The following PARP8 variants were observed in gnomAD, a reference collection of about 807,000 sequenced individuals.
PARP8 encodes poly(ADP-ribose) polymerase family member 8, also known as protein mono-ADP-ribosyltransferase PARP8.
PARP8 carries 51 observed loss-of-function variants against 124.1 expected under a neutral mutation model. The observed-to-expected ratio is 0.41, with a 90% CI of 0.33 to 0.52. The LOEUF is 0.52. Among genes scored for constraint, PARP8 ranks in the 20% least tolerant of loss-of-function variants. The pLI is 0.21. For synonymous variants in PARP8, 391 were observed against 361.5 expected (o/e 1.08, Z -0.93); for missense variants, 860 against 1,018.9 (o/e 0.84, Z 2.12).
intron 12 of PARP8, among the ~76,000 whole-genome samples, chr5:50,796,431 C>T (rs1186420224): frequency 6.6e-6 from 1 of 152,154 alleles, no homozygotes; most frequent in Non-Finnish European, 1.5e-5. Context: ...GTTTTAAGGA[C>T]ATAGAGCAAA....
intron 15 of PARP8, among the ~76,000 whole-genome samples, chr5:50,820,019 G>A (rs1745582091): frequency 6.6e-6 from 1 of 152,134 alleles, no homozygotes; most frequent in Non-Finnish European, 1.5e-5. Flanking sequence ...AACATTAGAT[G>A]TTTCCATTCT....
chr5:50,766,843 G>A (rs1761103009), intron 7 of PARP8, among the ~76,000 whole-genome samples: 1 of 152,048 alleles, frequency 6.6e-6, no homozygotes, highest in Admixed American at 6.6e-5. Flanking sequence ...CACCAAACAT[G>A]TATCTCCTTT....
In PARP8 at chr5:50,842,768, A is replaced by C. The variant is rs1187477102; in HGVS notation, c.*700A>C. The C allele has an allele frequency of 2.6e-5, 4 of 151,692 alleles. No individual in the cohort carries two copies. Among genetic ancestry groups the C allele is most frequent in the Non-Finnish European group, 4.4e-5 (3 of 67,758 alleles). 9.4% of individuals were successfully genotyped at this position (151,692 alleles called of 1,614,324 possible). On this transcript the variant is annotated 3_prime_UTR_variant, in exon 26 of 26. Coordinates refer to ENST00000281631, the MANE Select transcript of PARP8 (RefSeq NM_024615.4). Reference sequence around the variant, plus strand: ...GAAGATAATATTTAGTAAGCAATAAATTTGGACATAAATCAAGATATGAGC... The same window carrying C: ...GAAGATAATATTTAGTAAGCAATAACTTTGGACATAAATCAAGATATGAGC...
intron 2 of PARP8, among the ~76,000 whole-genome samples, chr5:50,707,021 C>G (rs1351664850): frequency 1.3e-5 from 2 of 151,992 alleles, no homozygotes; most frequent in South Asian, 4.1e-4. Context: ...ATCTATATAG[C>G]TGCTTTTTTA....
intron 5 of PARP8, 133 bp downstream of exon 5, chr5:50,760,495 AGGGGTGT>A (rs1760440496): frequency 1.4e-6 from 1 of 703,238 alleles, no homozygotes; most frequent in Non-Finnish European, 2.0e-6. Flanking sequence ...CTAATGGCTC[AGGGGTGT>A]TTGGTATGGT....
chr5:50,811,124 G>C (rs889674191), intron 14 of PARP8, among the ~76,000 whole-genome samples: 2 of 151,988 alleles, frequency 1.3e-5, no homozygotes, highest in Non-Finnish European at 2.9e-5. Flanking sequence ...GTATGGAAGA[G>C]GGTTACTTTT....
chr5:50,747,244 G>T (rs1213882740), intron 2 of PARP8, among the ~76,000 whole-genome samples: 1 of 148,034 alleles, frequency 6.8e-6, no homozygotes, highest in Non-Finnish European at 1.5e-5. Flanking sequence ...GTGGAGTTGG[G>T]AACTCTTTTC....
intron 2 of PARP8, among the ~76,000 whole-genome samples, chr5:50,736,408 A>G (rs571189281): frequency 3.9e-5 from 6 of 152,168 alleles, no homozygotes; most frequent in Non-Finnish European, 5.9e-5. Context: ...TATTTGGAAC[A>G]TTTTAGTTAC....
chr5:50,833,880 C>A, intron 23 of PARP8, 99 bp from the exon 24 acceptor site: 1 of 839,236 alleles, frequency 1.2e-6, no homozygotes, highest in Non-Finnish European at 1.9e-6. Context: ...TTTTTTTGAC[C>A]TGGAGCCATC....
At chr5:50,703,603 G>C (rs1181086268) in intron 2 of PARP8, among the ~76,000 whole-genome samples, 2 of 152,082 alleles carry the variant, frequency 1.3e-5, no homozygotes, top group Non-Finnish European at 2.9e-5. Flanking sequence ...GAACAAAGCT[G>C]TGAAATCCCC....
chr5:50,696,149 G>C (rs1579989529), intron 2 of PARP8, among the ~76,000 whole-genome samples: 1 of 152,142 alleles, frequency 6.6e-6, no homozygotes, highest in East Asian at 1.9e-4. Flanking sequence ...ATTAAGGCGA[G>C]TCAAACTATA....
chr5:50,800,756 ATT>A (rs201684004), intron 14 of PARP8, among the ~76,000 whole-genome samples: 42 of 137,238 alleles, frequency 3.1e-4, no homozygotes, highest in Non-Finnish European at 2.4e-4. Flanking sequence ...TCTGTTTTAG[ATT>A]TTTTTTTTTT....
Position 50,794,351 on chromosome 5 carries a change from C to G in PARP8, c.863+19C>G, listed in dbSNP as rs754592544. ...TGCGCAGGTTGGTAACAGGCAACTT[C>G]GTCATTGTCTTACTGAATGCTGAGT... is the stretch of plus-strand genomic sequence containing the variant. On this transcript the variant is annotated intron_variant, in intron 11 of 25. Transcript: ENST00000281631. 3.7e-6 allele frequency: 6 copies of G among 1,610,666 alleles called. No homozygotes were observed. In the South Asian group the frequency reaches 6.6e-5, roughly 18 times the overall value.
At chr5:50,832,693 G>T in intron 22 of PARP8, 88 bp from the exon 23 acceptor site, 1 of 1,308,626 alleles carries the variant, frequency 7.6e-7, no homozygotes, top group Non-Finnish European at 1.1e-6. Flanking sequence ...CCTTTACCTA[G>T]AATGGAACTT....
chr5:50,678,534 G>T (rs1271937628), intron 2 of PARP8, among the ~76,000 whole-genome samples: 1 of 151,976 alleles, frequency 6.6e-6, no homozygotes, highest in African/African-American at 2.4e-5. Flanking sequence ...ATATATATAG[G>T]TACATATATA....
intron 2 of PARP8, among the ~76,000 whole-genome samples, chr5:50,701,161 A>G (rs922508418): frequency 1.3e-5 from 2 of 152,130 alleles, no homozygotes; most frequent in Admixed American, 1.3e-4. Context: ...TAAAGATTTG[A>G]CAGCCTACGT....
chr5:50,714,527 A>G (rs908463882), intron 2 of PARP8, among the ~76,000 whole-genome samples: 1 of 152,084 alleles, frequency 6.6e-6, no homozygotes, highest in Non-Finnish European at 1.5e-5. Flanking sequence ...TCTAGGTTTT[A>G]AGCCCCGCAT....
intron 21 of PARP8, among the ~76,000 whole-genome samples, chr5:50,828,686 C>T (rs1746610702): frequency 6.6e-6 from 1 of 151,732 alleles, no homozygotes; most frequent in Non-Finnish European, 1.5e-5. Flanking sequence ...TTGAGACCAG[C>T]CTGGCCAACA....
chr5:50,667,606 G>A lies in PARP8; in HGVS notation c.91+420G>A, dbSNP rs554418337. On this transcript the variant is annotated intron_variant, in intron 1 of 25. Coordinates refer to ENST00000281631, the MANE Select transcript of PARP8 (RefSeq NM_024615.4). ...CTGCTGCGCTGCGCTGCGCTTGTAA[G>A]CTGCGCCCGGCGCCGAGGACCCCCG... 1.1e-5 allele frequency: 8 copies of A among 699,228 alleles called. No homozygotes were observed. In the South Asian group the frequency reaches 1.2e-4, roughly 10 times the overall value. 43.3% of individuals were successfully genotyped at this position (699,228 alleles called of 1,614,324 possible).
Sources: gnomAD v4.1 joint callset for allele counts (sites outside exome capture counted in the v4.1 genomes callset) on GRCh38, gnomAD v4.1.1 for gene constraint, MANE v1.5 for transcripts, NCBI Gene and HGNC (gene_info 2026-07-23, HGNC 2026-07-21) for gene names.